ST3GAL1: variants seen among roughly 807,000 people sequenced by gnomAD.
ST3GAL1 encodes the protein ST3 beta-galactoside alpha-2,3-sialyltransferase 1.
A neutral mutation model predicts 34.1 loss-of-function variants in ST3GAL1; 16 were observed. That is an observed-to-expected ratio of 0.47 (90% confidence interval 0.32 to 0.71). ST3GAL1 has a LOEUF of 0.71. Among genes scored for constraint, ST3GAL1 ranks in the 30% least tolerant of loss-of-function variants. The probability of loss-of-function intolerance (pLI) is 0.04; values close to 1 mark genes in which losing one functional copy is unlikely to be tolerated. For missense variants in ST3GAL1, 353 were observed against 447.4 expected (o/e 0.79, Z 1.90); for synonymous variants, 191 against 184.7 (o/e 1.03, Z -0.28).
intron 3 of ST3GAL1, among the ~76,000 whole-genome samples, chr8:133,494,231 A>T (rs1373131666): frequency 3.3e-5 from 5 of 152,230 alleles, no homozygotes; most frequent in Non-Finnish European, 7.3e-5. Context: ...CAGGTAAGAC[A>T]TGCAGGCTGA....
chr8:133,557,787 G>A (rs1369179975), intron 1 of ST3GAL1, among the ~76,000 whole-genome samples: 1 of 151,956 alleles, frequency 6.6e-6, no homozygotes, highest in East Asian at 1.9e-4. Context: ...GGTGGAGGTT[G>A]CAGTGAGCTC....
intron 2 of ST3GAL1, among the ~76,000 whole-genome samples, chr8:133,505,506 G>A (rs1033343780): frequency 1.3e-5 from 2 of 152,200 alleles, no homozygotes; most frequent in Admixed American, 6.5e-5. Context: ...ATCTGCCAAC[G>A]AGCTAATTTG....
intron 3 of ST3GAL1, among the ~76,000 whole-genome samples, chr8:133,482,168 G>A (rs1816419169): frequency 6.6e-6 from 1 of 152,048 alleles, no homozygotes; most frequent in Admixed American, 6.6e-5. Flanking sequence ...TCTCTTGGGG[G>A]GTCTTCGCAC....
intron 3 of ST3GAL1, among the ~76,000 whole-genome samples, chr8:133,492,891 C>T (rs1029317173): frequency 1.1e-4 from 17 of 152,212 alleles, no homozygotes; most frequent in African/African-American, 3.9e-4. Flanking sequence ...CCCTACTCTG[C>T]CCACTCTCCC....
At position 133,458,874 on chromosome 8, in the gene ST3GAL1, T is replaced by A. The variant is rs566953012; in HGVS notation, c.*890A>T. ...AGAAACACGGTGCCAAGTTTGGGGT[T>A]TTTTTTCTTTTCTTTTTTTTTTTTT... is the stretch of plus-strand genomic sequence containing the variant. On this transcript the variant is annotated 3_prime_UTR_variant, in exon 10 of 10. Transcript: ENST00000522652. 59 of 149,742 alleles carry A rather than the reference T, an allele frequency of 3.9e-4. No individual in the cohort carries two copies. The highest frequency in any genetic ancestry group is 3.7e-3 in the Admixed American group (55 of 14,972). The allele number at this position is 149,742 out of a possible 1,614,324, so 9.3% of individuals were successfully genotyped here. A position where few individuals can be genotyped will look rare whatever the true frequency, so the allele number is the denominator to read the frequency against.
chr8:133,476,131 G>T, intron 4 of ST3GAL1, 57 bp from the exon 5 acceptor site: 1 of 1,289,844 alleles, frequency 7.8e-7, no homozygotes, highest in Non-Finnish European at 1.0e-6. Flanking sequence ...AATCAAAAGG[G>T]ATGGCAGGAA....
At chr8:133,462,928 T>C (rs141739757) in intron 8 of ST3GAL1, among the ~76,000 whole-genome samples, 2 of 152,226 alleles carry the variant, frequency 1.3e-5, no homozygotes, top group Admixed American at 1.3e-4. Context: ...TGATAGAGTA[T>C]GCAAAAGGCC....
intron 1 of ST3GAL1, among the ~76,000 whole-genome samples, chr8:133,562,392 T>C (rs1819253009): frequency 6.6e-6 from 1 of 151,988 alleles, no homozygotes; most frequent in African/African-American, 2.4e-5. Context: ...GTATTTTTAG[T>C]AGAGATGGGG....
rs550554153 is a variant in ST3GAL1 at position 133,462,345 on chromosome 8, G to A, written c.730-351C>T. On this transcript the variant is annotated intron_variant, in intron 8 of 9. Coordinates refer to ENST00000522652, the MANE Select transcript of ST3GAL1 (RefSeq NM_173344.3). ...GGGCTCCAGGGAACAGTGTGAGGTG[G>A]GACTGGACACTGTCAGTGAGTGAAG... Among the ~76,000 whole-genome samples the A allele has an allele frequency of 2.2e-4, 33 of 152,214 alleles. 1 individual carries two copies. The East Asian group carries it at 6.2e-3, about 29-fold the overall frequency.
intron 3 of ST3GAL1, among the ~76,000 whole-genome samples, chr8:133,495,111 G>A (rs1269022260): frequency 6.6e-6 from 1 of 151,742 alleles, no homozygotes; most frequent in Non-Finnish European, 1.5e-5. Context: ...GTAGAGATGG[G>A]GTTTCACTAT....
intron 2 of ST3GAL1, among the ~76,000 whole-genome samples, chr8:133,501,150 C>A (rs897157333): frequency 6.6e-6 from 1 of 152,118 alleles, no homozygotes; most frequent in Non-Finnish European, 1.5e-5. Context: ...GTAACATGAG[C>A]GAGGATAGAA....
chr8:133,458,581 G>A lies in ST3GAL1; in HGVS notation c.*1183C>T, dbSNP rs1029718892. 6.6e-6 allele frequency: 1 copy of A among 152,230 alleles called. No homozygotes were observed. The highest frequency in any genetic ancestry group is 1.5e-5 in the Non-Finnish European group (1 of 68,062). The allele number at this position is 152,230 out of a possible 1,614,324, so 9.4% of individuals were successfully genotyped here. A position where few individuals can be genotyped will look rare whatever the true frequency, so the allele number is the denominator to read the frequency against. On this transcript the variant is annotated 3_prime_UTR_variant, in exon 10 of 10. Coordinates refer to ENST00000522652, the MANE Select transcript of ST3GAL1 (RefSeq NM_173344.3). ...GTTCCATTCTGACGCACTGCTGGGT[G>A]GTGTTGAGTATCCTCAGAGCTTCGT... is the stretch of plus-strand genomic sequence containing the variant.
chr8:133,496,768 TC>T (rs756812356), intron 3 of ST3GAL1, among the ~76,000 whole-genome samples: 4 of 152,320 alleles, frequency 2.6e-5, no homozygotes, highest in Middle Eastern at 3.4e-3. Flanking sequence ...ATGGGCTCAA[TC>T]CTGAACTCAG....
chr8:133,493,133 G>A (rs547869132), intron 3 of ST3GAL1, among the ~76,000 whole-genome samples: 1 of 152,304 alleles, frequency 6.6e-6, no homozygotes, highest in South Asian at 2.1e-4. Context: ...GGACCTCCCA[G>A]GGGTGGGAGG....
intron 1 of ST3GAL1, among the ~76,000 whole-genome samples, chr8:133,560,647 C>T (rs772810757): frequency 3.0e-4 from 45 of 152,340 alleles, no homozygotes; most frequent in Non-Finnish European, 6.5e-4. Context: ...CCTGGTGTGA[C>T]TAGTTTCCTA....
chr8:133,462,128 C>A, intron 8 of ST3GAL1, 134 bp from the exon 9 acceptor site: 1 of 1,321,342 alleles, frequency 7.6e-7, no homozygotes, highest in Admixed American at 2.3e-5. Flanking sequence ...CACTTGTGGG[C>A]TTCCATGCTC....
intron 9 of ST3GAL1, 77 bp from the exon 10 acceptor site, chr8:133,460,014 G>A (rs531784758): frequency 1.8e-5 from 27 of 1,471,180 alleles, no homozygotes; most frequent in South Asian, 5.4e-5. Context: ...GCCTGTAGGC[G>A]TTCCTGGAAT....
intron 2 of ST3GAL1, among the ~76,000 whole-genome samples, chr8:133,506,807 G>C (rs1197068777): frequency 3.3e-5 from 5 of 150,284 alleles, no homozygotes; most frequent in Non-Finnish European, 7.4e-5. Context: ...AAAAAAAGCT[G>C]GGCTGGGTGT....
At chr8:133,465,604 T>G in intron 6 of ST3GAL1, 3 of 333,372 alleles carry the variant, frequency 9.0e-6, no homozygotes, top group Non-Finnish European at 1.6e-5. Flanking sequence ...CTCACATTAA[T>G]TTTGCCCTCT....
Sources: gnomAD v4.1 joint callset for allele counts (sites outside exome capture counted in the v4.1 genomes callset) on GRCh38, gnomAD v4.1.1 for gene constraint, MANE v1.5 for transcripts, NCBI Gene and HGNC (gene_info 2026-07-23, HGNC 2026-07-21) for gene names.